ITGA8: variants seen among roughly 807,000 people sequenced by gnomAD.
The protein encoded by ITGA8 is integrin alpha-8.
A neutral mutation model predicts 142.3 loss-of-function variants in ITGA8; 91 were observed. The observed-to-expected ratio is 0.64, with a 90% CI of 0.54 to 0.76. The LOEUF (loss-of-function observed/expected upper bound fraction) is 0.76, where lower values mean the gene tolerates loss of function less well. ITGA8 is among the 30% of genes least tolerant of loss of function. The pLI is 0.00. For missense variants in ITGA8, 1,406 were observed against 1,327.7 expected (o/e 1.06, Z -0.92); for synonymous variants, 505 against 485.2 (o/e 1.04, Z -0.54).
chr10:15,676,668 G>A (rs1277478049), intron 6 of ITGA8, among the ~76,000 whole-genome samples: 1 of 152,172 alleles, frequency 6.6e-6, no homozygotes, highest in African/African-American at 2.4e-5. Context: ...CATTGTTGAT[G>A]GAGAAATGAA....
chr10:15,661,933 A>AAAAC (rs1331658905), intron 8 of ITGA8, among the ~76,000 whole-genome samples: 1 of 152,196 alleles, frequency 6.6e-6, no homozygotes, highest in Non-Finnish European at 1.5e-5. Flanking sequence ...CCTGACACTA[A>AAAAC]AAACAAACCA....
Position 15,590,620 on chromosome 10 carries a change from A to G in ITGA8, c.2291+1605T>C, listed in dbSNP as rs116089976. ...GGAGGGATGGTGGTCCTTTGCCATG[A>G]CGTGTTTTGTTTGTTTTTGTTTTTT... On this transcript the variant is annotated intron_variant, in intron 22 of 29. Coordinates refer to ENST00000378076, the MANE Select transcript of ITGA8 (RefSeq NM_003638.3). Among the ~76,000 whole-genome samples, 543 of 152,270 alleles carry G rather than the reference A, an allele frequency of 3.6e-3. 10 individuals carry two copies. The highest frequency in any genetic ancestry group is 0.013 in the African/African-American group (525 of 41,536).
At chr10:15,697,690 A>C (rs1013938699) in intron 2 of ITGA8, among the ~76,000 whole-genome samples, 1 of 152,200 alleles carries the variant, frequency 6.6e-6, no homozygotes, top group Non-Finnish European at 1.5e-5. Context: ...ATATAGGAAC[A>C]TGGAAATCAA....
At chr10:15,555,861 A>G (rs2131564774) in intron 26 of ITGA8, among the ~76,000 whole-genome samples, 2 of 151,194 alleles carry the variant, frequency 1.3e-5, no homozygotes, top group South Asian at 4.2e-4. Context: ...ACGCCCGGAT[A>G]ATTTTTTTTG....
At chr10:15,714,278 G>T (rs1319936643) in intron 2 of ITGA8, among the ~76,000 whole-genome samples, 2 of 152,124 alleles carry the variant, frequency 1.3e-5, no homozygotes, top group African/African-American at 4.8e-5. Flanking sequence ...CCCATGCATT[G>T]GTTTAGAAAA....
intron 1 of ITGA8, among the ~76,000 whole-genome samples, chr10:15,719,302 T>C (rs1219204281): frequency 1.3e-5 from 2 of 152,214 alleles, no homozygotes; most frequent in African/African-American, 4.8e-5. Flanking sequence ...CTCTCCTTTG[T>C]AGGATGCGTG....
At chr10:15,558,582 A>G (rs1833923704) in intron 25 of ITGA8, among the ~76,000 whole-genome samples, 7 of 152,146 alleles carry the variant, frequency 4.6e-5, no homozygotes, top group Admixed American at 4.6e-4. Flanking sequence ...AAACTGAGGA[A>G]CGTTCTGTAT....
chr10:15,674,163 T>C (rs1054570998), intron 6 of ITGA8, among the ~76,000 whole-genome samples: 2 of 152,194 alleles, frequency 1.3e-5, no homozygotes, highest in Non-Finnish European at 2.9e-5. Flanking sequence ...TATTCTGATA[T>C]TAAGACCATG....
At chr10:15,719,153 G>T (rs545612092) in intron 1 of ITGA8, among the ~76,000 whole-genome samples, 1 of 152,248 alleles carries the variant, frequency 6.6e-6, no homozygotes, top group East Asian at 1.9e-4. Context: ...AAGGGGGTGG[G>T]GTAGGAGGAA....
At chr10:15,696,978 T>C (rs1234695006) in intron 2 of ITGA8, among the ~76,000 whole-genome samples, 2 of 151,640 alleles carry the variant, frequency 1.3e-5, no homozygotes, top group Non-Finnish European at 2.9e-5. Flanking sequence ...CACTGTACTC[T>C]AGTCTAAGTG....
intron 28 of ITGA8, among the ~76,000 whole-genome samples, chr10:15,523,611 T>TA (rs1223837909): frequency 1.3e-5 from 2 of 152,042 alleles, no homozygotes; most frequent in South Asian, 2.1e-4. Flanking sequence ...TAAGTTTGTT[T>TA]AAAAAATACC....
In ITGA8 at chr10:15,664,814, G is replaced by A. The variant is rs546645745; in HGVS notation, c.848-3892C>T. ...AGTTTGCTGAGAATGATGGTTTCCA[G>A]TTTCATCCATGTCCCTACAAAGGAC... is the stretch of plus-strand genomic sequence containing the variant. On this transcript the variant is annotated intron_variant, in intron 8 of 29. Coordinates refer to ENST00000378076, the MANE Select transcript of ITGA8 (RefSeq NM_003638.3). 1.1e-4 allele frequency among the ~76,000 whole-genome samples: 16 copies of A among 152,020 alleles called. No individual in the cohort carries two copies. The East Asian group carries it at 2.9e-3, about 28-fold the overall frequency.
At chr10:15,567,075 A>G (rs968218954) in intron 25 of ITGA8, among the ~76,000 whole-genome samples, 1 of 150,796 alleles carries the variant, frequency 6.6e-6, no homozygotes, top group African/African-American at 2.4e-5. Flanking sequence ...GAATGACCTG[A>G]ACCCAGGGGT....
At chr10:15,538,848 T>C (rs529552245) in intron 27 of ITGA8, among the ~76,000 whole-genome samples, 3 of 152,124 alleles carry the variant, frequency 2.0e-5, no homozygotes, top group Non-Finnish European at 4.4e-5. Flanking sequence ...CTCTGAATTA[T>C]TAAACTTAGA....
At chr10:15,647,115 G>T in intron 11 of ITGA8, 64 bp from the exon 12 acceptor site, 1 of 1,208,938 alleles carries the variant, frequency 8.3e-7, no homozygotes, top group Non-Finnish European at 1.2e-6. Context: ...TGGGTTATTT[G>T]TAATCAACTA....
chr10:15,653,996 G>A (rs910128402), intron 11 of ITGA8, among the ~76,000 whole-genome samples: 2 of 151,788 alleles, frequency 1.3e-5, no homozygotes, highest in African/African-American at 4.8e-5. Context: ...CACCATGCCC[G>A]GCTAATTTTT....
At chr10:15,714,043 C>T (rs1664626291) in intron 2 of ITGA8, among the ~76,000 whole-genome samples, 1 of 152,148 alleles carries the variant, frequency 6.6e-6, no homozygotes. Context: ...AGCTGTATTG[C>T]TTCTCTGTCA....
chr10:15,687,227 T>C (rs1284744731), intron 3 of ITGA8, among the ~76,000 whole-genome samples: 2 of 152,176 alleles, frequency 1.3e-5, no homozygotes, highest in Non-Finnish European at 2.9e-5. Flanking sequence ...ATAATTCAAG[T>C]AGATTTCAAC....
intron 6 of ITGA8, 83 bp from the exon 7 acceptor site, chr10:15,672,832 C>T: frequency 7.2e-7 from 1 of 1,381,050 alleles, no homozygotes; most frequent in Non-Finnish European, 9.5e-7. Context: ...CCCTTGAAAG[C>T]TATGGTGGAA....
Sources: allele counts gnomAD v4.1 joint callset (sites outside exome capture counted in the v4.1 genomes callset), GRCh38; gene constraint gnomAD v4.1.1; transcripts MANE v1.5; gene names NCBI Gene and HGNC (gene_info 2026-07-23, HGNC 2026-07-21).